The following MSH4 variants were observed in gnomAD, a reference collection of about 807,000 sequenced individuals.
The protein encoded by MSH4 is mutS homolog 4.
MSH4 carries 106 observed loss-of-function variants against 113.7 expected under a neutral mutation model. The observed-to-expected ratio is 0.93, with a 90% CI of 0.80 to 1.10. The LOEUF (loss-of-function observed/expected upper bound fraction) is 1.10, where lower values mean the gene tolerates loss of function less well. Among genes scored for constraint, MSH4 ranks in the 50% least tolerant of loss-of-function variants. The probability of loss-of-function intolerance (pLI) is 0.00; values close to 1 mark genes in which losing one functional copy is unlikely to be tolerated. For missense variants in MSH4, 1,061 were observed against 1,093.7 expected (o/e 0.97, Z 0.42); for synonymous variants, 368 against 380.2 (o/e 0.97, Z 0.37).
intron 19 of MSH4, among the ~76,000 whole-genome samples, chr1:75,910,509 G>A (rs2100600075): frequency 6.6e-6 from 1 of 151,708 alleles, no homozygotes; most frequent in African/African-American, 2.4e-5. Flanking sequence ...CTGGGCTCAA[G>A]CATTCCACCC....
intron 16 of MSH4, 23 bp from the exon 17 acceptor site, chr1:75,890,673 A>C (rs889487610): frequency 1.5e-6 from 2 of 1,299,020 alleles, no homozygotes; most frequent in Non-Finnish European, 2.1e-6. Flanking sequence ...ACAATGAATA[A>C]ATATTAAAAT....
intron 15 of MSH4, among the ~76,000 whole-genome samples, chr1:75,886,841 A>T (rs5016382): frequency 0.13 from 140 of 1,084 alleles, 2 homozygotes; most frequent in East Asian, 0.49. Flanking sequence ...TATATATATT[A>T]TATATATATA....
At chr1:75,895,103 T>C (rs191358726) in intron 17 of MSH4, among the ~76,000 whole-genome samples, 1 of 151,812 alleles carries the variant, frequency 6.6e-6, no homozygotes. Flanking sequence ...CCAAGAGACA[T>C]AGTGATAACT....
At chr1:75,830,772 A>G (rs1650666787) in intron 7 of MSH4, among the ~76,000 whole-genome samples, 3 of 152,342 alleles carry the variant, frequency 2.0e-5, no homozygotes, top group Admixed American at 6.5e-5. Context: ...CCTGCCTTAC[A>G]AGAGCTCCTG....
At chr1:75,806,803 T>C (rs1650077403) in intron 2 of MSH4, among the ~76,000 whole-genome samples, 178 bp from the exon 3 acceptor site, 1 of 152,198 alleles carries the variant, frequency 6.6e-6, no homozygotes. Context: ...GAGGTTTTGA[T>C]TGAAATTATA....
rs1340909127 is a variant in MSH4 at position 75,874,502 on chromosome 1, T to G, written c.1306-2434T>G. ...TATGCCCAGATAATTTTTTAAAATTTTATAGACAGGGGTCTCGCTATGTTA... is the reference window on the plus strand; with the variant it reads ...TATGCCCAGATAATTTTTTAAAATTGTATAGACAGGGGTCTCGCTATGTTA... On this transcript the variant is annotated intron_variant, in intron 9 of 19. Transcript: ENST00000263187. Among the ~76,000 whole-genome samples, 4 of 152,048 alleles carry G rather than the reference T, an allele frequency of 2.6e-5. No homozygotes were observed. In the East Asian group the frequency reaches 7.7e-4, roughly 29 times the overall value.
At chr1:75,852,751 A>G (rs1449150975) in intron 8 of MSH4, among the ~76,000 whole-genome samples, 1 of 152,048 alleles carries the variant, frequency 6.6e-6, no homozygotes, top group Non-Finnish European at 1.5e-5. Context: ...AGTTCTTTAT[A>G]TATTTTGGAT....
chr1:75,862,141 G>C (rs1194295476), intron 8 of MSH4, among the ~76,000 whole-genome samples: 5 of 152,092 alleles, frequency 3.3e-5, no homozygotes, highest in Admixed American at 3.3e-4. Flanking sequence ...GAAGACCGTG[G>C]GAAAAGTGCA....
At chr1:75,881,746 T>C (rs1469076976) in intron 14 of MSH4, among the ~76,000 whole-genome samples, 3 of 151,922 alleles carry the variant, frequency 2.0e-5, no homozygotes. Flanking sequence ...ATCTCCAGAG[T>C]GAGCATTTTA....
At chr1:75,910,871 C>T (rs1213296953) in intron 19 of MSH4, among the ~76,000 whole-genome samples, 3 of 152,090 alleles carry the variant, frequency 2.0e-5, no homozygotes, top group South Asian at 2.1e-4. Flanking sequence ...CTCTTAATCA[C>T]CTGTCATTAG....
At chr1:75,810,412 ATTT>A (rs760146124) in intron 3 of MSH4, among the ~76,000 whole-genome samples, 2 of 104,526 alleles carry the variant, frequency 1.9e-5, no homozygotes, top group Non-Finnish European at 3.7e-5. Context: ...TAATTTTTGT[ATTT>A]TTTTTTTTTT....
chr1:75,867,954 A>G (rs1651624778), intron 9 of MSH4, among the ~76,000 whole-genome samples: 1 of 152,048 alleles, frequency 6.6e-6, no homozygotes, highest in South Asian at 2.1e-4. Flanking sequence ...TTGTTCTAAT[A>G]ATGTTCTTTA....
chr1:75,845,964 G>A (rs1044519435), intron 7 of MSH4, among the ~76,000 whole-genome samples: 2 of 152,200 alleles, frequency 1.3e-5, no homozygotes, highest in Non-Finnish European at 2.9e-5. Flanking sequence ...TGTGCCTGCA[G>A]AATTAGCACC....
At chr1:75,860,962 T>C (rs902586451) in intron 8 of MSH4, among the ~76,000 whole-genome samples, 11 of 152,218 alleles carry the variant, frequency 7.2e-5, no homozygotes, top group African/African-American at 2.7e-4. Flanking sequence ...TGTTTGTTTC[T>C]TTTCACTCTT....
intron 7 of MSH4, among the ~76,000 whole-genome samples, chr1:75,830,320 A>G (rs1284123806): frequency 6.6e-6 from 1 of 152,202 alleles, no homozygotes; most frequent in African/African-American, 2.4e-5. Context: ...TCATTGGTGT[A>G]CCTAAAAGTG....
intron 7 of MSH4, among the ~76,000 whole-genome samples, chr1:75,840,122 G>A (rs1477342450): frequency 1.3e-5 from 2 of 151,938 alleles, no homozygotes. Context: ...GATTCCTCAG[G>A]GATCTAGAAC....
chr1:75,821,212 A>C (rs1650400943), intron 6 of MSH4, among the ~76,000 whole-genome samples: 1 of 151,988 alleles, frequency 6.6e-6, no homozygotes, highest in African/African-American at 2.4e-5. Flanking sequence ...TGTCTCTCAG[A>C]CCACAGTGCA....
intron 7 of MSH4, among the ~76,000 whole-genome samples, chr1:75,827,117 C>T (rs1048621301): frequency 1.3e-5 from 2 of 152,078 alleles, no homozygotes; most frequent in Non-Finnish European, 2.9e-5. Context: ...CAAAGGGAAG[C>T]CCATGAGACT....
intron 19 of MSH4, among the ~76,000 whole-genome samples, chr1:75,907,689 CATATATAT>C (rs71071973): frequency 2.5e-5 from 2 of 78,622 alleles, no homozygotes; most frequent in African/African-American, 1.2e-4. Context: ...TCTCTCTATA[CATATATAT>C]ATATATATAT....
Sources: gnomAD v4.1 joint callset for allele counts (sites outside exome capture counted in the v4.1 genomes callset) on GRCh38, gnomAD v4.1.1 for gene constraint, MANE v1.5 for transcripts, NCBI Gene and HGNC (gene_info 2026-07-23, HGNC 2026-07-21) for gene names.